Variants in TUSC3 observed in about 807,000 individuals in gnomAD.
The protein encoded by TUSC3 is dolichyl-diphosphooligosaccharide--protein glycosyltransferase subunit TUSC3.
Under a neutral mutation model 44.8 loss-of-function variants are expected in TUSC3, and 45 were observed. The ratio of observed to expected loss-of-function variants is 1.00; its 90% CI spans 0.79 to 1.29. The LOEUF is 1.29. TUSC3 is among the 50% of genes most tolerant of loss of function. The probability of loss-of-function intolerance (pLI) is 0.00; values close to 1 mark genes in which losing one functional copy is unlikely to be tolerated. For missense variants in TUSC3, 519 were observed against 437.9 expected (o/e 1.19, Z -1.65); for synonymous variants, 212 against 152.9 (o/e 1.39, Z -2.85).
chr8:15,837,652 G>T, the TUSC3 span, among the ~76,000 whole-genome samples: 1 of 151,910 alleles, frequency 6.6e-6, no homozygotes, highest in Non-Finnish European at 1.5e-5. Flanking sequence ...TTTTTCTGTT[G>T]TCTTGTTATC....
chr8:15,684,387 G>A (rs1808541832), intron 6 of TUSC3, among the ~76,000 whole-genome samples: 1 of 152,120 alleles, frequency 6.6e-6, no homozygotes, highest in Non-Finnish European at 1.5e-5. Flanking sequence ...TCCTGACCAG[G>A]GCAGTGGCAC....
chr8:15,543,808 G>T (rs879514012), intron 1 of TUSC3, among the ~76,000 whole-genome samples: 54 of 148,682 alleles, frequency 3.6e-4, no homozygotes, highest in Non-Finnish European at 7.0e-4. Flanking sequence ...ATAGTCTATT[G>T]CTTATCATGA....
At chr8:15,725,407 A>G (rs1411314959) in intron 6 of TUSC3, among the ~76,000 whole-genome samples, 2 of 152,194 alleles carry the variant, frequency 1.3e-5, no homozygotes, top group Non-Finnish European at 2.9e-5. Context: ...AAGGCTGATA[A>G]TATCAGGTTG....
At chr8:15,426,385 C>T (rs933388365) in intron 1 of TUSC3, among the ~76,000 whole-genome samples, 16 of 152,186 alleles carry the variant, frequency 1.1e-4, no homozygotes, top group Non-Finnish European at 2.2e-4. Context: ...ACTTGATGCC[C>T]ATTAAAAATT....
intron 6 of TUSC3, among the ~76,000 whole-genome samples, chr8:15,679,910 C>T (rs575897603): frequency 5.3e-5 from 8 of 152,048 alleles, no homozygotes; most frequent in African/African-American, 1.9e-4. Context: ...TGTAACTTTA[C>T]TTCTGGGTCG....
chr8:15,468,280 C>G (rs931961248), intron 1 of TUSC3, among the ~76,000 whole-genome samples: 3 of 152,194 alleles, frequency 2.0e-5, no homozygotes, highest in Non-Finnish European at 2.9e-5. Flanking sequence ...GAAAAAATTG[C>G]GTTTTCTAAG....
chr8:15,468,544 A>G (rs1800444572), intron 1 of TUSC3, among the ~76,000 whole-genome samples: 1 of 152,164 alleles, frequency 6.6e-6, no homozygotes, highest in African/African-American at 2.4e-5. Context: ...CATGAGTTAT[A>G]CATTACTAGA....
At chr8:15,561,315 A>T (rs1320160663) in intron 1 of TUSC3, among the ~76,000 whole-genome samples, 3 of 147,664 alleles carry the variant, frequency 2.0e-5, no homozygotes, top group South Asian at 2.2e-4. Flanking sequence ...TTCGGCTGCT[A>T]GGAGGTCAGG....
chr8:15,540,599 G>T, intron 1 of TUSC3, 31 bp downstream of exon 1: 7 of 1,518,770 alleles, frequency 4.6e-6, no homozygotes, highest in Non-Finnish European at 6.2e-6. Flanking sequence ...CTTCCCCTGT[G>T]GGCGGGGGCG....
At chr8:15,789,297 G>A in the TUSC3 span, among the ~76,000 whole-genome samples, 1 of 152,168 alleles carries the variant, frequency 6.6e-6, no homozygotes, top group African/African-American at 2.4e-5. Flanking sequence ...GATATCCTAT[G>A]TGATCACATG....
chr8:15,450,915 G>T (rs918006564), intron 1 of TUSC3, among the ~76,000 whole-genome samples: 2 of 152,152 alleles, frequency 1.3e-5, no homozygotes, highest in Non-Finnish European at 2.9e-5. Flanking sequence ...TGCCGCTGCT[G>T]AGTTCTGGTC....
chr8:15,483,749 G>C (rs754290556), intron 2 of TUSC3, among the ~76,000 whole-genome samples: 2 of 141,228 alleles, frequency 1.4e-5, no homozygotes, highest in Non-Finnish European at 3.0e-5. Flanking sequence ...TCCGCCTCCC[G>C]AGTTCATGCC....
intron 1 of TUSC3, among the ~76,000 whole-genome samples, chr8:15,601,758 A>G (rs1284220807): frequency 1.3e-5 from 2 of 151,604 alleles, no homozygotes; most frequent in Non-Finnish European, 3.0e-5. Context: ...CAATGGTTCT[A>G]ATGTAATGAA....
chr8:15,753,342 A>G (rs1406639033), intron 9 of TUSC3, among the ~76,000 whole-genome samples: 1 of 151,996 alleles, frequency 6.6e-6, no homozygotes, highest in Non-Finnish European at 1.5e-5. Flanking sequence ...ATATACTGTA[A>G]ATTGTTCAGC....
chr8:15,645,252 A>G (rs891237838), intron 2 of TUSC3, among the ~76,000 whole-genome samples: 1 of 152,162 alleles, frequency 6.6e-6, no homozygotes, highest in Non-Finnish European at 1.5e-5. Context: ...TTATGTTTCT[A>G]CCACTTCCAG....
the TUSC3 span, among the ~76,000 whole-genome samples, chr8:15,827,688 AG>A: frequency 2.4e-4 from 37 of 152,324 alleles, no homozygotes; most frequent in Non-Finnish European, 5.4e-4. Context: ...TTTATAAACC[AG>A]ATTATCTTCA....
In TUSC3 at chr8:15,681,128, A is replaced by T. The variant is rs568099711; in HGVS notation, c.798+7292A>T. On this transcript the variant is annotated intron_variant, in intron 6 of 10. Transcript: ENST00000503731. ...GTTAGGGAGGATTCCTTCATCCTTG[A>T]TTTTTTTTTTTTTTTGGAATAGTTT... Among the ~76,000 whole-genome samples the T allele has an allele frequency of 3.8e-3, 506 of 133,634 alleles. 2 individuals are homozygous for T. Among genetic ancestry groups the T allele is most frequent in the African/African-American group, 0.014 (486 of 35,546 alleles). The allele number at this position is 133,634 out of a possible 152,430, so 87.7% of individuals were successfully genotyped here. A position where few individuals can be genotyped will look rare whatever the true frequency, so the allele number is the denominator to read the frequency against.
intron 1 of TUSC3, among the ~76,000 whole-genome samples, chr8:15,567,503 A>G (rs1802720532): frequency 1.3e-5 from 2 of 152,180 alleles, no homozygotes; most frequent in Non-Finnish European, 2.9e-5. Context: ...GATTCCTCTT[A>G]AATAGTTAAG....
intron 1 of TUSC3, among the ~76,000 whole-genome samples, chr8:15,440,161 G>A (rs1459144771): frequency 6.6e-6 from 1 of 152,148 alleles, no homozygotes; most frequent in Admixed American, 6.5e-5. Flanking sequence ...TGCTTCCCGA[G>A]GAAATGAGGC....
Sources: allele counts gnomAD v4.1 joint callset (sites outside exome capture counted in the v4.1 genomes callset), GRCh38; gene constraint gnomAD v4.1.1; transcripts MANE v1.5; gene names NCBI Gene and HGNC (gene_info 2026-07-23, HGNC 2026-07-21).